Variants in SLC30A8 observed in about 807,000 individuals in gnomAD.
The protein encoded by SLC30A8 is proton-coupled zinc antiporter SLC30A8.
SLC30A8 carries 27 observed loss-of-function variants against 36.9 expected under a neutral mutation model. The ratio of observed to expected loss-of-function variants is 0.73; its 90% CI spans 0.54 to 1.01. SLC30A8 has a LOEUF of 1.01. SLC30A8 is among the 50% of genes least tolerant of loss of function. The pLI, the probability that SLC30A8 is intolerant of heterozygous loss-of-function variation, is 0.00. For synonymous variants in SLC30A8, 164 were observed against 172.4 expected (o/e 0.95, Z 0.38); for missense variants, 439 against 452.0 (o/e 0.97, Z 0.26).
intron 1 of SLC30A8, among the ~76,000 whole-genome samples, chr8:116,994,095 C>T (rs932995438): frequency 6.6e-6 from 1 of 151,496 alleles, no homozygotes; most frequent in African/African-American, 2.4e-5. Context: ...CAGATAGCTT[C>T]ACTGGTGAAT....
chr8:117,043,057 A>G (rs1371009733), intron 2 of SLC30A8, among the ~76,000 whole-genome samples: 1 of 152,250 alleles, frequency 6.6e-6, no homozygotes, highest in Non-Finnish European at 1.5e-5. Context: ...TTAGGATCAT[A>G]TCAGAAACCC....
chr8:117,168,363 A>ATATC (rs1823174097), intron 6 of SLC30A8, among the ~76,000 whole-genome samples: 2 of 152,146 alleles, frequency 1.3e-5, no homozygotes, highest in South Asian at 4.1e-4. Context: ...GTGAAATATT[A>ATATC]TATCTTATTG....
chr8:116,962,055 T>C (rs1563724134), intron 1 of SLC30A8, among the ~76,000 whole-genome samples: 1 of 151,938 alleles, frequency 6.6e-6, no homozygotes. Context: ...AAACAATAAG[T>C]TGAATGTTGA....
rs537696271 is a variant in SLC30A8, at chr8:117,038,995, G to C, written c.-265-224G>C. ...CAAGGAGGAAGGGAAGGCAGTGCCA[G>C]CTGAAACAGCAGAGAGATTCAGGAG... On this transcript the variant is annotated intron_variant, in intron 1 of 10. Transcript: ENST00000427715. Among the ~76,000 whole-genome samples, 10 of 152,312 alleles carry C rather than the reference G, an allele frequency of 6.6e-5. No individual in the cohort carries two copies. In the East Asian group the frequency reaches 1.9e-3, roughly 29 times the overall value.
chr8:116,991,605 A>G (rs970649587), intron 1 of SLC30A8, among the ~76,000 whole-genome samples: 2 of 152,138 alleles, frequency 1.3e-5, no homozygotes, highest in Admixed American at 6.6e-5. Context: ...TGCTCAGCCT[A>G]TGTTCTTTCC....
At chr8:117,169,890 G>A (rs1395955856) in intron 6 of SLC30A8, among the ~76,000 whole-genome samples, 1 of 152,114 alleles carries the variant, frequency 6.6e-6, no homozygotes, top group Admixed American at 6.6e-5. Context: ...TCCAGCATTA[G>A]GGATTACAAT....
At position 117,097,414 on chromosome 8, in the gene SLC30A8, A is replaced by ATATAT. The variant is rs1563593781; in HGVS notation, c.-225-37866_-225-37865insTATAT. 7.9e-3 allele frequency among the ~76,000 whole-genome samples: 951 copies of ATATAT among 119,972 alleles called. 37 individuals carry two copies. The highest frequency in any genetic ancestry group is 0.029 in the African/African-American group (790 of 27,704). The allele number at this position is 119,972 out of a possible 152,430, so 78.7% of individuals were successfully genotyped here. On this transcript the variant is annotated intron_variant, in intron 2 of 10. Coordinates refer to the SLC30A8 transcript ENST00000427715. ...TCCATCTCAAAAAAAAAAAAAAAAA[A>ATATAT]AAAAATATATATAAATATATATAAT... is the stretch of plus-strand genomic sequence containing the variant.
At chr8:116,980,205 CT>C (rs1055000862) in intron 1 of SLC30A8, among the ~76,000 whole-genome samples, 1 of 152,080 alleles carries the variant, frequency 6.6e-6, no homozygotes, top group Non-Finnish European at 1.5e-5. Context: ...TGATGCATCA[CT>C]TTTTTTGGTA....
rs1819342688 is a variant in SLC30A8 at position 117,096,002 on chromosome 8, G to C, written c.-225-39278G>C. ...GAAGCACTGAGCTGCTGTTGAGAGA[G>C]CAACAGCCTCAACTCTTTATTTGCA... is the stretch of plus-strand genomic sequence containing the variant. On this transcript the variant is annotated intron_variant, in intron 2 of 10. Coordinates refer to the SLC30A8 transcript ENST00000427715. Among the ~76,000 whole-genome samples, 3 of 152,262 alleles carry C rather than the reference G, an allele frequency of 2.0e-5. No homozygotes were observed. In the South Asian group the frequency reaches 6.2e-4, roughly 32 times the overall value.
intron 1 of SLC30A8, among the ~76,000 whole-genome samples, chr8:116,999,145 G>A (rs908309453): frequency 9.2e-5 from 14 of 152,136 alleles, no homozygotes; most frequent in African/African-American, 3.4e-4. Flanking sequence ...TGTAATCCCA[G>A]CTACTCAGGA....
chr8:117,107,414 A>G (rs1421041339), intron 2 of SLC30A8, among the ~76,000 whole-genome samples: 1 of 152,188 alleles, frequency 6.6e-6, no homozygotes, highest in East Asian at 1.9e-4. Flanking sequence ...AGCAGATGGA[A>G]AGTATCTCTG....
At chr8:117,100,248 T>C (rs1819649334) in intron 2 of SLC30A8, among the ~76,000 whole-genome samples, 1 of 152,302 alleles carries the variant, frequency 6.6e-6, no homozygotes, top group East Asian at 1.9e-4. Flanking sequence ...TTGTCACCAG[T>C]TAATAGATAA....
At chr8:117,154,156 G>A (rs1822349441) in intron 3 of SLC30A8, among the ~76,000 whole-genome samples, 1 of 152,044 alleles carries the variant, frequency 6.6e-6, no homozygotes, top group Admixed American at 6.6e-5. Flanking sequence ...AGGTCAACGT[G>A]TGCCGTCATG....
intron 2 of SLC30A8, among the ~76,000 whole-genome samples, chr8:117,085,079 G>A (rs1309275677): frequency 1.3e-5 from 2 of 152,084 alleles, no homozygotes; most frequent in Admixed American, 6.6e-5. Flanking sequence ...AACAGAGAAA[G>A]ATAAATGGCT....
Position 117,135,308 on chromosome 8 carries a change from C to T in SLC30A8, c.-20C>T, listed in dbSNP as rs201875116. On this transcript the variant is annotated 5_prime_UTR_variant, in exon 1 of 8. Coordinates refer to ENST00000456015, the MANE Select transcript of SLC30A8 (RefSeq NM_173851.3). Reference sequence around the variant, plus strand: ...GTTCAACAACAACGACAACAACAGCCGCAGCTCATCCTGGCCGTCATGGAG... The same window carrying T: ...GTTCAACAACAACGACAACAACAGCTGCAGCTCATCCTGGCCGTCATGGAG... 49 of 1,576,242 alleles carry T rather than the reference C, an allele frequency of 3.1e-5. No homozygotes were observed. The highest frequency in any genetic ancestry group is 1.7e-4 in the South Asian group (14 of 83,838).
intron 1 of SLC30A8, among the ~76,000 whole-genome samples, chr8:117,009,951 A>G (rs1218240516): frequency 6.6e-6 from 1 of 152,220 alleles, no homozygotes; most frequent in Non-Finnish European, 1.5e-5. Context: ...AAGCCAACGC[A>G]CTTGACTTGA....
At chr8:117,071,831 A>G (rs1392678432) in intron 2 of SLC30A8, among the ~76,000 whole-genome samples, 4 of 152,152 alleles carry the variant, frequency 2.6e-5, no homozygotes, top group Non-Finnish European at 5.9e-5. Flanking sequence ...TAGATTTACC[A>G]TTTTAATAAA....
chr8:117,111,782 A>G (rs573450330), intron 2 of SLC30A8, among the ~76,000 whole-genome samples: 7 of 152,120 alleles, frequency 4.6e-5, no homozygotes, highest in Non-Finnish European at 1.0e-4. Flanking sequence ...CAGCTGAGAG[A>G]TAGTGGGAAA....
chr8:117,167,990 C>T (rs1823149652), intron 6 of SLC30A8, among the ~76,000 whole-genome samples: 1 of 152,120 alleles, frequency 6.6e-6, no homozygotes, highest in African/African-American at 2.4e-5. Flanking sequence ...TACATAGCAG[C>T]AGGCAAGAGA....
Sources: allele counts gnomAD v4.1 joint callset (sites outside exome capture counted in the v4.1 genomes callset), GRCh38; gene constraint gnomAD v4.1.1; transcripts MANE v1.5; gene names NCBI Gene and HGNC (gene_info 2026-07-23, HGNC 2026-07-21).